NRCAM: variants seen among roughly 807,000 people sequenced by gnomAD.
The protein encoded by NRCAM is neuronal cell adhesion molecule, also known as NgCAM-related cell adhesion molecule.
NRCAM carries 83 observed loss-of-function variants against 156.5 expected under a neutral mutation model. The observed-to-expected ratio is 0.53, with a 90% confidence interval of 0.44 to 0.64. The LOEUF (loss-of-function observed/expected upper bound fraction) is 0.64. Ranked by LOEUF, NRCAM falls within the 30% of genes least tolerant of loss-of-function variation. The pLI, the probability that NRCAM is intolerant of heterozygous loss-of-function variation, is 0.00. For missense variants in NRCAM, 1,417 were observed against 1,597.3 expected, an observed-to-expected ratio of 0.89 and a Z score of 1.92; for synonymous variants, 538 against 563.9, an observed-to-expected ratio of 0.95 and a Z score of 0.65.
At chr7:108,159,422 T>C (rs2151327479) in intron 32 of NRCAM, 41 bp downstream of exon 32, 1 of 1,527,730 alleles carries the variant, frequency 6.5e-7, no homozygotes. Flanking sequence ...ACTGTGTTCA[T>C]GTGGGCAGAG....
chr7:108,168,839 A>G (rs1169845013), intron 28 of NRCAM, among the ~76,000 whole-genome samples: 4 of 152,174 alleles, frequency 2.6e-5, no homozygotes, highest in Non-Finnish European at 5.9e-5. Flanking sequence ...TTGTCATCTC[A>G]ATGCAGGTCT....
chr7:108,203,504 A>G (rs10953560), intron 13 of NRCAM, among the ~76,000 whole-genome samples: 37,607 of 151,634 alleles, frequency 0.25, 4,867 homozygotes, highest in Non-Finnish European at 0.27. Flanking sequence ...ACAGATCAAT[A>G]ACATTGCATT....
chr7:108,162,515 A>G (rs1010100043), intron 30 of NRCAM, among the ~76,000 whole-genome samples: 1 of 152,210 alleles, frequency 6.6e-6, no homozygotes, highest in African/African-American at 2.4e-5. Context: ...ATCTAATTAA[A>G]TGCAACTAAA....
At chr7:108,353,280 A>G (rs9942691) in intron 2 of NRCAM, among the ~76,000 whole-genome samples, 92,895 of 151,936 alleles carry the variant, frequency 0.61, 28,987 homozygotes, top group East Asian at 0.92. Context: ...TTAGAATCCT[A>G]AATCCTGTCA....
At chr7:108,164,613 T>G (rs2052601517) in intron 30 of NRCAM, among the ~76,000 whole-genome samples, 1 of 150,794 alleles carries the variant, frequency 6.6e-6, no homozygotes, top group Non-Finnish European at 1.5e-5. Context: ...AAGACGGTGC[T>G]TTCACACTGG....
At chr7:108,257,853 G>C (rs548225014) in intron 3 of NRCAM, among the ~76,000 whole-genome samples, 2 of 152,122 alleles carry the variant, frequency 1.3e-5, no homozygotes, top group Non-Finnish European at 2.9e-5. Flanking sequence ...GTCAGGCAGA[G>C]AGGATCAGTT....
intron 2 of NRCAM, among the ~76,000 whole-genome samples, chr7:108,388,564 T>C (rs1416210338): frequency 6.6e-6 from 1 of 152,188 alleles, no homozygotes; most frequent in Admixed American, 6.5e-5. Flanking sequence ...TTTAGTTTGA[T>C]TAGATCCCAT....
chr7:108,454,991 C>G (rs1854970701), intron 1 of NRCAM, among the ~76,000 whole-genome samples: 1 of 152,020 alleles, frequency 6.6e-6, no homozygotes, highest in African/African-American at 2.4e-5. Context: ...GCTCGGCGCC[C>G]TCCCTCGGTG....
chr7:108,350,203 T>G (rs951483518), intron 2 of NRCAM, among the ~76,000 whole-genome samples: 2 of 152,198 alleles, frequency 1.3e-5, no homozygotes, highest in African/African-American at 4.8e-5. Context: ...TGCTTTCACC[T>G]CCATAACCTT....
chr7:108,198,356 T>C (rs903103449), intron 13 of NRCAM, among the ~76,000 whole-genome samples: 1 of 152,152 alleles, frequency 6.6e-6, no homozygotes, highest in Admixed American at 6.5e-5. Context: ...TTTATTTTTA[T>C]TTTTTTAAAG....
chr7:108,376,759 C>G (rs75344202), intron 2 of NRCAM, among the ~76,000 whole-genome samples: 2 of 152,144 alleles, frequency 1.3e-5, no homozygotes, highest in Non-Finnish European at 2.9e-5. Flanking sequence ...CTGCCTTAAA[C>G]GCAAGCAAAA....
chr7:108,364,104 G>A (rs957539165), intron 2 of NRCAM, among the ~76,000 whole-genome samples: 2 of 152,200 alleles, frequency 1.3e-5, no homozygotes, highest in African/African-American at 4.8e-5. Flanking sequence ...GAAACTGGGT[G>A]TGGTATTTAC....
In NRCAM at chr7:108,301,740, A is replaced by G. The variant is rs372656265; in HGVS notation, c.-107+10925T>C. On this transcript the variant is annotated intron_variant, in intron 3 of 32. Coordinates refer to ENST00000379028, the MANE Select transcript of NRCAM (RefSeq NM_001037132.4). Reference sequence around the variant, plus strand: ...ATGGATAGTGGTATGGGTTTTGATTAAAAAATATCTAGGGGCTCAAAATGA... The same window carrying G: ...ATGGATAGTGGTATGGGTTTTGATTGAAAAATATCTAGGGGCTCAAAATGA... Among the ~76,000 whole-genome samples the G allele has an allele frequency of 6.0e-4, 92 of 152,290 alleles. 1 individual carries two copies. Among genetic ancestry groups the G allele is most frequent in the African/African-American group, 2.0e-3 (83 of 41,556 alleles).
At chr7:108,220,421 G>A (rs920448619) in intron 11 of NRCAM, among the ~76,000 whole-genome samples, 10 of 152,112 alleles carry the variant, frequency 6.6e-5, no homozygotes, top group African/African-American at 2.4e-4. Flanking sequence ...CAAATCTGGA[G>A]GCCTCACACT....
At chr7:108,158,785 CTAAAG>C (rs1372023451) in intron 32 of NRCAM, among the ~76,000 whole-genome samples, 2 of 152,070 alleles carry the variant, frequency 1.3e-5, no homozygotes, top group Non-Finnish European at 2.9e-5. Context: ...TTAAACAAAT[CTAAAG>C]TAATCTTTTC....
chr7:108,390,659 G>A (rs1403602002), intron 2 of NRCAM, among the ~76,000 whole-genome samples: 2 of 152,088 alleles, frequency 1.3e-5, no homozygotes, highest in Non-Finnish European at 2.9e-5. Flanking sequence ...TTTTAATTGT[G>A]ATGTTAGGGT....
At chr7:108,410,094 G>A (rs1362045878) in intron 1 of NRCAM, among the ~76,000 whole-genome samples, 2 of 152,156 alleles carry the variant, frequency 1.3e-5, no homozygotes, top group African/African-American at 4.8e-5. Context: ...TGACTCAAGA[G>A]ACTCTCAAAT....
At chr7:108,181,428 G>T (rs1586777548) in intron 24 of NRCAM, among the ~76,000 whole-genome samples, 1 of 152,088 alleles carries the variant, frequency 6.6e-6, no homozygotes, top group East Asian at 1.9e-4. Flanking sequence ...AGTATATTCT[G>T]AATTATTTTA....
At chr7:108,398,582 C>T (rs1407310084) in intron 2 of NRCAM, among the ~76,000 whole-genome samples, 1 of 152,160 alleles carries the variant, frequency 6.6e-6, no homozygotes, top group African/African-American at 2.4e-5. Flanking sequence ...TTTCACACCC[C>T]TATCCCACTG....
Sources: allele counts gnomAD v4.1 joint callset (sites outside exome capture counted in the v4.1 genomes callset), GRCh38; gene constraint gnomAD v4.1.1; transcripts MANE v1.5; gene names NCBI Gene and HGNC (gene_info 2026-07-23, HGNC 2026-07-21).